ADCY8: variants seen among roughly 807,000 people sequenced by gnomAD.
ADCY8 encodes adenylate cyclase type 8.
ADCY8 carries 51 observed loss-of-function variants against 119.7 expected under a neutral mutation model. That is an observed-to-expected ratio of 0.43 (90% confidence interval 0.34 to 0.54). The LOEUF (loss-of-function observed/expected upper bound fraction) is 0.54, where lower values mean the gene tolerates loss of function less well. Among genes scored for constraint, ADCY8 ranks in the 20% least tolerant of loss-of-function variants. The probability of loss-of-function intolerance (pLI) is 0.03; values close to 1 mark genes in which losing one functional copy is unlikely to be tolerated. For missense variants in ADCY8, 1,383 were observed against 1,598.8 expected, an observed-to-expected ratio of 0.87 and a Z score of 2.30; for synonymous variants, 665 against 651.0, an observed-to-expected ratio of 1.02 and a Z score of -0.33.
At chr8:130,825,303 A>G (rs1204436490) in intron 12 of ADCY8, among the ~76,000 whole-genome samples, 1 of 152,174 alleles carries the variant, frequency 6.6e-6, no homozygotes, top group Admixed American at 6.5e-5. Flanking sequence ...TATCTAGTTG[A>G]ATTTTGTATC....
Position 130,855,690 on chromosome 8 carries a change from C to T in ADCY8, c.2211-5887G>A, listed in dbSNP as rs184268200. Reference sequence around the variant, plus strand: ...TCCTGTCCAGTGCCAAGTCCAGATCCGCGGGCTCATCCTGGTCTTCTCCAT... The same window carrying T: ...TCCTGTCCAGTGCCAAGTCCAGATCTGCGGGCTCATCCTGGTCTTCTCCAT... On this transcript the variant is annotated intron_variant, in intron 9 of 17. Transcript: ENST00000286355. Among the ~76,000 whole-genome samples the T allele has an allele frequency of 2.0e-3, 301 of 152,126 alleles. 2 individuals carry two copies. The highest frequency in any genetic ancestry group is 4.9e-3 in the African/African-American group (204 of 41,512).
At chr8:130,853,444 G>A (rs1255296557) in intron 9 of ADCY8, among the ~76,000 whole-genome samples, 2 of 152,226 alleles carry the variant, frequency 1.3e-5, no homozygotes, top group African/African-American at 2.4e-5. Context: ...TGTGGGATAT[G>A]AGGGCCAGCA....
Position 130,904,118 on chromosome 8 carries a change from A to G in ADCY8, c.1641-76T>C, listed in dbSNP as rs1029785732. 5.0e-6 allele frequency: 7 copies of G among 1,401,504 alleles called. No homozygotes were observed. In the African/African-American group the frequency reaches 1.0e-4, roughly 21 times the overall value. The allele number at this position is 1,401,504 out of a possible 1,614,324, so 86.8% of individuals were successfully genotyped here. A position where few individuals can be genotyped will look rare whatever the true frequency, so the allele number is the denominator to read the frequency against. On this transcript the variant is annotated intron_variant, in intron 6 of 17. Coordinates refer to ENST00000286355, the MANE Select transcript of ADCY8 (RefSeq NM_001115.3). Reference sequence around the variant, plus strand: ...GGCTATATTTTTTTGACCTGTACAAAACCAACACCAGGGTTACACAAGGGT... The same window carrying G: ...GGCTATATTTTTTTGACCTGTACAAGACCAACACCAGGGTTACACAAGGGT...
At chr8:130,850,297 T>A (rs558705941) in intron 9 of ADCY8, among the ~76,000 whole-genome samples, 36 of 152,294 alleles carry the variant, frequency 2.4e-4, no homozygotes, top group African/African-American at 8.7e-4. Context: ...ATTTGAGACA[T>A]GGGTAAGGAG....
At chr8:130,983,343 G>C (rs1372962868) in intron 2 of ADCY8, among the ~76,000 whole-genome samples, 1 of 152,130 alleles carries the variant, frequency 6.6e-6, no homozygotes, top group Non-Finnish European at 1.5e-5. Flanking sequence ...GGACGTCTCT[G>C]TCCTCCCACA....
chr8:130,790,831 G>A (rs897882287), intron 15 of ADCY8, among the ~76,000 whole-genome samples: 6 of 152,248 alleles, frequency 3.9e-5, no homozygotes, highest in East Asian at 1.9e-4. Flanking sequence ...AGAAAGAGCC[G>A]AACTCTTCTC....
At chr8:130,794,714 T>C (rs1206472151) in intron 15 of ADCY8, among the ~76,000 whole-genome samples, 2 of 152,244 alleles carry the variant, frequency 1.3e-5, no homozygotes, top group East Asian at 3.8e-4. Flanking sequence ...TCACAGCACA[T>C]GAATTTTAGG....
chr8:131,016,728 A>T (rs1431576611), intron 1 of ADCY8, among the ~76,000 whole-genome samples: 1 of 152,074 alleles, frequency 6.6e-6, no homozygotes, highest in African/African-American at 2.4e-5. Flanking sequence ...GGAGACAGGG[A>T]TGAAGAAGGT....
intron 9 of ADCY8, among the ~76,000 whole-genome samples, chr8:130,867,453 A>G (rs536090571): frequency 2.2e-4 from 33 of 152,308 alleles, no homozygotes; most frequent in Admixed American, 5.9e-4. Flanking sequence ...AGGTGTTTGC[A>G]TTATTATTAA....
chr8:130,846,863 C>CTCCCT (rs1313154666), intron 11 of ADCY8, among the ~76,000 whole-genome samples: 5 of 33,592 alleles, frequency 1.5e-4, no homozygotes, highest in Non-Finnish European at 2.9e-4. Flanking sequence ...CTCCCCTCCC[C>CTCCCT]TCCCTTCCCT....
chr8:130,942,995 T>C (rs1013621371), intron 4 of ADCY8, among the ~76,000 whole-genome samples: 3 of 152,202 alleles, frequency 2.0e-5, no homozygotes, highest in South Asian at 4.1e-4. Context: ...GCTGGGAAAC[T>C]GCAGGCCATC....
At chr8:130,968,130 T>C (rs908219655) in intron 2 of ADCY8, among the ~76,000 whole-genome samples, 4 of 151,744 alleles carry the variant, frequency 2.6e-5, no homozygotes, top group African/African-American at 4.8e-5. Flanking sequence ...CCGTGGTCTG[T>C]AGAGAATTTA....
chr8:130,883,765 C>A (rs968807200), intron 8 of ADCY8, among the ~76,000 whole-genome samples: 4 of 152,166 alleles, frequency 2.6e-5, no homozygotes, highest in Admixed American at 6.6e-5. Context: ...CCCAGTTAAG[C>A]AAGGTCGGCA....
rs746183398 is a variant in ADCY8, at chr8:130,785,494, A to G, written c.3061-19T>C. The G allele has an allele frequency of 6.3e-6, 10 of 1,593,846 alleles. No individual in the cohort carries two copies. In the East Asian group the frequency reaches 1.8e-4, roughly 29 times the overall value. ...CAAGCAACTGAAAGAGAGCCAGGCA[A>G]TGGTGTTAGCCCTGGTGTTTATTCT... On this transcript the variant is annotated intron_variant, in intron 15 of 17. Transcript: ENST00000286355.
intron 11 of ADCY8, among the ~76,000 whole-genome samples, chr8:130,846,762 T>C (rs1817320444): frequency 8.2e-6 from 1 of 121,286 alleles, no homozygotes; most frequent in African/African-American, 3.4e-5. Flanking sequence ...CTGTCCTTCC[T>C]TCCCCTTCCT....
chr8:130,911,045 A>G (rs1257699269), intron 5 of ADCY8, among the ~76,000 whole-genome samples: 1 of 152,154 alleles, frequency 6.6e-6, no homozygotes, highest in African/African-American at 2.4e-5. Flanking sequence ...AGTGTTCCAA[A>G]TTTGCTGATA....
chr8:130,789,689 G>A (rs367767798), intron 15 of ADCY8, among the ~76,000 whole-genome samples: 1 of 152,184 alleles, frequency 6.6e-6, no homozygotes, highest in African/African-American at 2.4e-5. Context: ...ATTGCTAAAG[G>A]CCACCCAGCT....
At chr8:131,022,298 G>A (rs1249092262) in intron 1 of ADCY8, among the ~76,000 whole-genome samples, 2 of 152,102 alleles carry the variant, frequency 1.3e-5, no homozygotes, top group African/African-American at 4.8e-5. Flanking sequence ...GCAGGCCCCA[G>A]TGTGTGATGT....
At chr8:130,965,480 AT>A (rs1156234262) in intron 2 of ADCY8, among the ~76,000 whole-genome samples, 2 of 152,216 alleles carry the variant, frequency 1.3e-5, no homozygotes, top group African/African-American at 4.8e-5. Context: ...TGAATCTAAA[AT>A]AAAAGTTGAA....
Sources: allele counts gnomAD v4.1 joint callset (sites outside exome capture counted in the v4.1 genomes callset), GRCh38; gene constraint gnomAD v4.1.1; transcripts MANE v1.5; gene names NCBI Gene and HGNC (gene_info 2026-07-23, HGNC 2026-07-21).